NME7: variants seen among roughly 807,000 people sequenced by gnomAD.
NME7 encodes the protein nucleoside diphosphate kinase 7.
Under a neutral mutation model 49.1 loss-of-function variants are expected in NME7, and 41 were observed. The ratio of observed to expected loss-of-function variants is 0.83; its 90% confidence interval spans 0.65 to 1.08. The LOEUF is 1.08. Among genes scored for constraint, NME7 ranks in the 50% least tolerant of loss-of-function variants. NME7 has a pLI of 0.00. For synonymous variants in NME7, 139 were observed against 150.6 expected (o/e 0.92, Z 0.56); for missense variants, 423 against 463.4 (o/e 0.91, Z 0.80).
chr1:169,290,383 T>C (rs1003064633), intron 6 of NME7, among the ~76,000 whole-genome samples: 13 of 152,236 alleles, frequency 8.5e-5, no homozygotes, highest in African/African-American at 3.1e-4. Flanking sequence ...CATCTGATCT[T>C]TGACAAACCT....
chr1:169,193,508 G>A (rs1394695659), intron 10 of NME7, among the ~76,000 whole-genome samples: 1 of 152,162 alleles, frequency 6.6e-6, no homozygotes, highest in East Asian at 1.9e-4. Flanking sequence ...TAGTTTCCCA[G>A]GGTCTCAAGA....
At chr1:169,361,317 G>C (rs1653644254) in intron 1 of NME7, among the ~76,000 whole-genome samples, 1 of 152,104 alleles carries the variant, frequency 6.6e-6, no homozygotes, top group Non-Finnish European at 1.5e-5. Context: ...GCTCTAAACT[G>C]CATTTGTAAT....
chr1:169,150,795 A>G (rs1405893137), intron 11 of NME7, among the ~76,000 whole-genome samples: 1 of 151,094 alleles, frequency 6.6e-6, no homozygotes, highest in Non-Finnish European at 1.5e-5. Context: ...GCAAGTTCAG[A>G]TAGGTACAGA....
intron 10 of NME7, among the ~76,000 whole-genome samples, chr1:169,172,018 C>T (rs1659611185): frequency 6.6e-6 from 1 of 152,032 alleles, no homozygotes; most frequent in South Asian, 2.1e-4. Flanking sequence ...GTATCAACTG[C>T]CTTCTGCTCA....
intron 1 of NME7, among the ~76,000 whole-genome samples, chr1:169,366,455 C>T (rs1209401546): frequency 6.6e-6 from 1 of 152,088 alleles, no homozygotes; most frequent in Non-Finnish European, 1.5e-5. Context: ...GGATGGAGGA[C>T]ATGGTTTTGC....
chr1:169,338,615 A>G (rs1652569433), intron 1 of NME7, among the ~76,000 whole-genome samples: 1 of 152,202 alleles, frequency 6.6e-6, no homozygotes, highest in Non-Finnish European at 1.5e-5. Context: ...ATCACTGCCC[A>G]GTGAAAAAAC....
intron 10 of NME7, among the ~76,000 whole-genome samples, chr1:169,183,674 C>T (rs1366972654): frequency 2.3e-5 from 3 of 128,150 alleles, no homozygotes; most frequent in Admixed American, 2.0e-4. Flanking sequence ...TGGTGGCAGG[C>T]GCCTGTAGTC....
intron 7 of NME7, among the ~76,000 whole-genome samples, chr1:169,278,476 C>A (rs1649846940): frequency 6.6e-6 from 1 of 152,152 alleles, no homozygotes; most frequent in Admixed American, 6.5e-5. Context: ...CAGTTGATCG[C>A]ATCGACTCCT....
At chr1:169,335,196 T>C (rs930270906) in intron 1 of NME7, among the ~76,000 whole-genome samples, 1 of 152,138 alleles carries the variant, frequency 6.6e-6, no homozygotes, top group African/African-American at 2.4e-5. Context: ...GACCCAGTAA[T>C]CCCATTACTG....
chr1:169,303,477 T>G (rs1257121773), intron 4 of NME7: 11 of 173,882 alleles, frequency 6.3e-5, no homozygotes, highest in Non-Finnish European at 9.4e-5. Flanking sequence ...TTTTTTTTTT[T>G]TAGATTGAGT....
At chr1:169,347,432 G>T (rs1421871077) in intron 1 of NME7, among the ~76,000 whole-genome samples, 1 of 151,952 alleles carries the variant, frequency 6.6e-6, no homozygotes, top group Non-Finnish European at 1.5e-5. Context: ...GATGGACGTT[G>T]GCAAGTTTAA....
chr1:169,331,127 G>T (rs1159147523), intron 1 of NME7, among the ~76,000 whole-genome samples: 1 of 152,048 alleles, frequency 6.6e-6, no homozygotes. Flanking sequence ...TGACCGAGTG[G>T]GATATATCCC....
intron 1 of NME7, among the ~76,000 whole-genome samples, chr1:169,334,010 C>G (rs1007072636): frequency 6.6e-6 from 1 of 152,180 alleles, no homozygotes; most frequent in Non-Finnish European, 1.5e-5. Context: ...AATTACTTCA[C>G]AATAGGCAGC....
In NME7 at chr1:169,227,022, G is replaced by A. The variant is rs570767572; in HGVS notation, c.990+3696C>T. 3.9e-5 allele frequency among the ~76,000 whole-genome samples: 6 copies of A among 152,232 alleles called. No individual in the cohort carries two copies. The South Asian group carries it at 8.3e-4, about 21-fold the overall frequency. On this transcript the variant is annotated intron_variant, in intron 10 of 11. Transcript: ENST00000367811. ...TACGAGGTCCTTAAGGAAATATAAC[G>A]TATTCTAGTCATCTTTTTTATGCCC...
intron 3 of NME7, among the ~76,000 whole-genome samples, chr1:169,318,201 T>C (rs1329171140): frequency 1.3e-5 from 2 of 152,098 alleles, no homozygotes; most frequent in African/African-American, 4.8e-5. Context: ...ATAGAGGAAA[T>C]AGGAATAGAA....
intron 11 of NME7, among the ~76,000 whole-genome samples, chr1:169,162,938 C>T (rs1356394091): frequency 6.6e-6 from 1 of 152,096 alleles, no homozygotes; most frequent in Non-Finnish European, 1.5e-5. Flanking sequence ...CTACCATATA[C>T]CCATTCAGCA....
At chr1:169,355,770 AT>A (rs1397282221) in intron 1 of NME7, among the ~76,000 whole-genome samples, 1 of 151,768 alleles carries the variant, frequency 6.6e-6, no homozygotes, top group African/African-American at 2.4e-5. Context: ...GTCTTGTTTG[AT>A]TTTTTTTCCA....
chr1:169,333,324 G>A (rs1652329929), intron 1 of NME7, among the ~76,000 whole-genome samples: 2 of 152,104 alleles, frequency 1.3e-5, no homozygotes, highest in South Asian at 4.1e-4. Context: ...AGTAGTGGGA[G>A]GCTGTAGGGA....
intron 5 of NME7, among the ~76,000 whole-genome samples, chr1:169,300,174 TA>T (rs1356181679): frequency 1.3e-5 from 2 of 152,166 alleles, no homozygotes; most frequent in African/African-American, 4.8e-5. Context: ...ATTCCTTTAA[TA>T]AAATTTACTG....
Sources: allele counts gnomAD v4.1 joint callset (sites outside exome capture counted in the v4.1 genomes callset), GRCh38; gene constraint gnomAD v4.1.1; transcripts MANE v1.5; gene names NCBI Gene and HGNC (gene_info 2026-07-23, HGNC 2026-07-21).